NRDC: variants seen among roughly 807,000 people sequenced by gnomAD.
NRDC encodes the protein nardilysin convertase, also known as nardilysin.
In NRDC, 54 loss-of-function variants were observed where a neutral mutation model predicts 147.1. That is an observed-to-expected ratio of 0.37 (90% CI 0.29 to 0.46). The LOEUF (loss-of-function observed/expected upper bound fraction) is 0.46, where lower values mean the gene tolerates loss of function less well. Among genes scored for constraint, NRDC ranks in the 20% least tolerant of loss-of-function variants. The pLI is 1.00. For missense variants in NRDC, 1,082 were observed against 1,370.6 expected (o/e 0.79, Z 3.33); for synonymous variants, 440 against 482.1 (o/e 0.91, Z 1.14).
chr1:51,839,160 C>CTTTTTTTT (rs5774110), intron 2 of NRDC, among the ~76,000 whole-genome samples: 17 of 133,782 alleles, frequency 1.3e-4, no homozygotes, highest in African/African-American at 2.3e-4. Context: ...TTTTCTTTTT[C>CTTTTTTTT]TTTTTTTTTT....
intron 1 of NRDC, among the ~76,000 whole-genome samples, chr1:51,846,107 C>T (rs1207911641): frequency 6.6e-6 from 1 of 150,626 alleles, no homozygotes; most frequent in African/African-American, 2.5e-5. Flanking sequence ...AGATATTTTA[C>T]ACTTTATAAT....
chr1:51,793,986 A>C (rs182644799), intron 24 of NRDC: 30 of 155,190 alleles, frequency 1.9e-4, no homozygotes, highest in Non-Finnish European at 3.4e-4. Flanking sequence ...GAATAATCTG[A>C]GACCCAGCTG....
intron 1 of NRDC, among the ~76,000 whole-genome samples, chr1:51,864,345 G>C (rs181739124): frequency 1.2e-3 from 176 of 152,214 alleles, no homozygotes; most frequent in African/African-American, 4.2e-3. Context: ...ACTTAATTTT[G>C]ATCCCAATAA....
intron 1 of NRDC, among the ~76,000 whole-genome samples, chr1:51,863,178 G>A (rs534725685): frequency 4.6e-5 from 7 of 152,106 alleles, no homozygotes; most frequent in Non-Finnish European, 8.8e-5. Context: ...AAGGCAGGCG[G>A]ATCACTTGAG....
intron 1 of NRDC, among the ~76,000 whole-genome samples, chr1:51,860,820 G>C (rs1432657506): frequency 6.6e-6 from 1 of 152,190 alleles, no homozygotes; most frequent in African/African-American, 2.4e-5. Context: ...AAGAGAGATA[G>C]TGTGGGACAC....
At chr1:51,799,756 A>G (rs946860716) in intron 21 of NRDC, among the ~76,000 whole-genome samples, 2 of 152,226 alleles carry the variant, frequency 1.3e-5, no homozygotes, top group Non-Finnish European at 2.9e-5. Flanking sequence ...CTAAAGTAGT[A>G]AGAACAGGCT....
At chr1:51,855,138 TCA>T (rs1557933426) in intron 1 of NRDC, among the ~76,000 whole-genome samples, 3 of 152,186 alleles carry the variant, frequency 2.0e-5, no homozygotes, top group Non-Finnish European at 4.4e-5. Context: ...TAGGCCAAAA[TCA>T]GTGTGTAACC....
chr1:51,821,099 G>A (rs1440404212), intron 8 of NRDC, among the ~76,000 whole-genome samples: 1 of 152,084 alleles, frequency 6.6e-6, no homozygotes, highest in East Asian at 1.9e-4. Flanking sequence ...GAAAACCAGT[G>A]CAATATCCAA....
In NRDC at chr1:51,878,312, C is replaced by T; in HGVS notation, c.304G>A (p.Glu102Lys). The T allele has an allele frequency of 6.2e-7, 1 of 1,614,060 alleles. No homozygotes were observed. Among genetic ancestry groups the T allele is most frequent in the South Asian group, 1.1e-5 (1 of 91,080 alleles). Residue 102 changes from glutamate to lysine, a missense_variant, in exon 1 of 31, where the codon GAG (glutamate) becomes AAG (lysine). By Grantham distance (56) the Glu-to-Lys change is moderately conservative. Around this residue, in one of 3 missense-constraint regions of NRDC, gnomAD observed 260 missense variants for 253.2 expected, o/e 1.03. Coordinates refer to ENST00000352171, the MANE Select transcript of NRDC (RefSeq NM_001101662.2). ...GGGTCGCTGGGAGACTTGACGATCTCAGGGTCCCCAGCATTACTGAGAGAC... is the reference window on the plus strand; with the variant it reads ...GGGTCGCTGGGAGACTTGACGATCTTAGGGTCCCCAGCATTACTGAGAGAC... ...RGSLSNAGDP[E>K]IVKSPSDPKQ...
intron 1 of NRDC, among the ~76,000 whole-genome samples, chr1:51,843,995 C>T (rs1681406499): frequency 6.6e-6 from 1 of 152,020 alleles, no homozygotes; most frequent in Admixed American, 6.5e-5. Flanking sequence ...TAATCCTATG[C>T]ATTCTACTTT....
intron 20 of NRDC, among the ~76,000 whole-genome samples, chr1:51,802,154 A>C (rs892980669): frequency 6.6e-6 from 1 of 152,082 alleles, no homozygotes; most frequent in African/African-American, 2.4e-5. Flanking sequence ...AAATTTATCA[A>C]ATGATTTATC....
At chr1:51,839,254 G>T (rs1173616137) in intron 2 of NRDC, among the ~76,000 whole-genome samples, 1 of 147,638 alleles carries the variant, frequency 6.8e-6, no homozygotes, top group African/African-American at 2.5e-5. Context: ...TAACCTCCCT[G>T]GGCTCAGGTG....
intron 1 of NRDC, among the ~76,000 whole-genome samples, chr1:51,849,469 C>T (rs1681828219): frequency 6.6e-6 from 1 of 151,836 alleles, no homozygotes. Context: ...TGGAACTTGA[C>T]ATACTGATTC....
chr1:51,823,469 T>A (rs575080586), intron 7 of NRDC, among the ~76,000 whole-genome samples, 195 bp downstream of exon 7: 1 of 152,324 alleles, frequency 6.6e-6, no homozygotes, highest in Admixed American at 6.5e-5. Flanking sequence ...AAAATTTGCC[T>A]GAGAATCTCA....
intron 9 of NRDC, among the ~76,000 whole-genome samples, 162 bp from the exon 10 acceptor site, chr1:51,818,297 G>C (rs1466944404): frequency 6.6e-6 from 1 of 152,170 alleles, no homozygotes; most frequent in Non-Finnish European, 1.5e-5. Flanking sequence ...CTCGAATAAT[G>C]CAATTTTTGT....
At chr1:51,828,871 A>G (rs1395005856) in intron 4 of NRDC, among the ~76,000 whole-genome samples, 1 of 152,066 alleles carries the variant, frequency 6.6e-6, no homozygotes, top group African/African-American at 2.4e-5. Flanking sequence ...GGTGTGCACT[A>G]CCATTTTTTT....
chr1:51,823,519 A>G (rs1228090416), intron 7 of NRDC, 145 bp downstream of exon 7: 6 of 600,658 alleles, frequency 1.0e-5, no homozygotes, highest in Non-Finnish European at 1.6e-5. Flanking sequence ...TAGCTACGTG[A>G]CATCTCCAAG....
intron 11 of NRDC, among the ~76,000 whole-genome samples, chr1:51,815,192 T>C (rs568310845): frequency 0.02 from 3,048 of 150,898 alleles, 37 homozygotes; most frequent in Non-Finnish European, 0.025. Context: ...CTTTTTTTTT[T>C]TTTTTTTTTT....
intron 1 of NRDC, among the ~76,000 whole-genome samples, chr1:51,869,554 GAGA>G (rs1426727086): frequency 5.3e-5 from 8 of 152,022 alleles, no homozygotes; most frequent in African/African-American, 1.9e-4. Flanking sequence ...CAATAAATCA[GAGA>G]AGATCTCTCT....
Sources: gnomAD v4.1 joint callset for allele counts (sites outside exome capture counted in the v4.1 genomes callset) on GRCh38, gnomAD v4.1.1 for gene constraint, gnomAD v4.1.1 regional missense constraint, MANE v1.5 for transcripts, NCBI Gene and HGNC (gene_info 2026-07-23, HGNC 2026-07-21) for gene names.